The following MBNL2 variants were observed in gnomAD, a reference collection of about 807,000 sequenced individuals.
MBNL2 encodes the protein muscleblind-like protein 2.
Under a neutral mutation model 41.9 loss-of-function variants are expected in MBNL2, and 17 were observed. The observed-to-expected ratio is 0.41, with a 90% CI of 0.28 to 0.61. MBNL2 has a LOEUF of 0.61. Ranked by LOEUF, MBNL2 falls within the 20% of genes least tolerant of loss-of-function variation. The pLI is 0.35. For missense variants in MBNL2, 336 were observed against 505.6 expected (o/e 0.66, Z 3.22); for synonymous variants, 195 against 182.9 (o/e 1.07, Z -0.53).
chr13:97,187,822 G>A, the MBNL2 span, among the ~76,000 whole-genome samples: 11 of 151,498 alleles, frequency 7.3e-5, no homozygotes, highest in Non-Finnish European at 1.0e-4. Context: ...CAGGAGAATG[G>A]CGTGAACCCC....
chr13:97,301,101 T>TG (rs2057574277), intron 2 of MBNL2, among the ~76,000 whole-genome samples: 1 of 152,202 alleles, frequency 6.6e-6, no homozygotes, highest in Non-Finnish European at 1.5e-5. Flanking sequence ...AGATGATAAC[T>TG]GGAGATTCCT....
intron 1 of MBNL2, among the ~76,000 whole-genome samples, chr13:97,235,610 T>A (rs1021985602): frequency 6.6e-6 from 1 of 152,208 alleles, no homozygotes; most frequent in Non-Finnish European, 1.5e-5. Context: ...TCCTTCCAGT[T>A]TGATAAATTA....
rs2063683502 is a variant in MBNL2, at chr13:97,364,396, C to T, written c.1013-740C>T. 1.3e-5 allele frequency among the ~76,000 whole-genome samples: 2 copies of T among 152,126 alleles called. 1 individual carries two copies. Among genetic ancestry groups the T allele is most frequent in the South Asian group, 4.1e-4 (2 of 4,822 alleles). On this transcript the variant is annotated intron_variant, in intron 7 of 8. Transcript: ENST00000679496. ...GCTCTACAGTGTTTAAGCTTTATTG[C>T]CAGGCACTACTCCTTTATCATAATG...
intron 2 of MBNL2, among the ~76,000 whole-genome samples, chr13:97,286,887 T>G (rs929196299): frequency 6.6e-6 from 1 of 152,194 alleles, no homozygotes; most frequent in African/African-American, 2.4e-5. Context: ...CTCTCCACTT[T>G]CTGTTTCCTC....
At chr13:97,243,511 A>C (rs1266223513) in intron 1 of MBNL2, among the ~76,000 whole-genome samples, 1 of 152,136 alleles carries the variant, frequency 6.6e-6, no homozygotes, top group Non-Finnish European at 1.5e-5. Flanking sequence ...AGGGCTGGTC[A>C]TGATTTTCCA....
chr13:97,281,378 CTG>C (rs763619753), intron 2 of MBNL2, among the ~76,000 whole-genome samples: 157 of 152,214 alleles, frequency 1.0e-3, no homozygotes, highest in Non-Finnish European at 1.6e-3. Flanking sequence ...TTTCAAGACT[CTG>C]GAAGTATAAT....
At chr13:97,187,705 A>G in the MBNL2 span, among the ~76,000 whole-genome samples, 1 of 151,438 alleles carries the variant, frequency 6.6e-6, no homozygotes, top group Non-Finnish European at 1.5e-5. Context: ...CAGGAGATCG[A>G]GACCATCCTG....
intron 2 of MBNL2, among the ~76,000 whole-genome samples, chr13:97,283,799 T>C (rs1425014740): frequency 1.3e-5 from 2 of 152,148 alleles, no homozygotes; most frequent in East Asian, 3.9e-4. Flanking sequence ...ACCCAAGATA[T>C]TCTGTGCTAA....
chr13:97,322,426 T>C (rs1566416038), intron 2 of MBNL2, among the ~76,000 whole-genome samples: 1 of 152,180 alleles, frequency 6.6e-6, no homozygotes, highest in African/African-American at 2.4e-5. Context: ...AAAAGCAATA[T>C]GCATTCAGCA....
chr13:97,212,806 T>C, the MBNL2 span, among the ~76,000 whole-genome samples: 2 of 152,232 alleles, frequency 1.3e-5, no homozygotes, highest in African/African-American at 4.8e-5. Flanking sequence ...GAAGTGCTTG[T>C]CATGAGTAGC....
At chr13:97,171,229 A>G in the MBNL2 span, among the ~76,000 whole-genome samples, 1 of 152,196 alleles carries the variant, frequency 6.6e-6, no homozygotes, top group Non-Finnish European at 1.5e-5. Context: ...TGGAGCTTAT[A>G]CGTTATCTCA....
At chr13:97,253,573 C>T (rs1268758946) in intron 1 of MBNL2, among the ~76,000 whole-genome samples, 1 of 152,126 alleles carries the variant, frequency 6.6e-6, no homozygotes, top group Non-Finnish European at 1.5e-5. Flanking sequence ...AAAGCCCTCT[C>T]CAGTTTCTTG....
chr13:97,213,831 A>G, the MBNL2 span, among the ~76,000 whole-genome samples: 3 of 152,214 alleles, frequency 2.0e-5, no homozygotes, highest in Non-Finnish European at 2.9e-5. Context: ...CAGGAACGGT[A>G]TATTGTAGTA....
the MBNL2 span, among the ~76,000 whole-genome samples, chr13:97,181,727 GCTATT>G: frequency 7.2e-5 from 11 of 152,302 alleles, no homozygotes; most frequent in Admixed American, 3.9e-4. Flanking sequence ...TAAGAGGACA[GCTATT>G]CCTGGTCTTC....
chr13:97,373,490 G>T (rs563650343), intron 8 of MBNL2, among the ~76,000 whole-genome samples: 2 of 151,438 alleles, frequency 1.3e-5, no homozygotes, highest in South Asian at 2.1e-4. Context: ...TATAAAAATT[G>T]CAGCATTTGC....
the MBNL2 span, among the ~76,000 whole-genome samples, chr13:97,151,804 A>G: frequency 6.6e-6 from 1 of 152,146 alleles, no homozygotes. Context: ...AGGTTACAAG[A>G]TTTTTCCCTG....
the MBNL2 span, among the ~76,000 whole-genome samples, chr13:97,214,378 T>C: frequency 6.6e-6 from 1 of 152,254 alleles, no homozygotes; most frequent in Non-Finnish European, 1.5e-5. Flanking sequence ...TCCTGTACCA[T>C]ATTTCAGTCC....
chr13:97,215,982 G>C, the MBNL2 span, among the ~76,000 whole-genome samples: 365 of 152,282 alleles, frequency 2.4e-3, 1 homozygote, highest in African/African-American at 7.5e-3. Context: ...TATGCTAAGG[G>C]AGTCTCACAC....
intron 3 of MBNL2, among the ~76,000 whole-genome samples, chr13:97,340,197 C>T (rs1228115129): frequency 1.3e-5 from 2 of 152,200 alleles, no homozygotes; most frequent in African/African-American, 2.4e-5. Flanking sequence ...AATATTAACA[C>T]GGAGTGAGCC....
Sources: allele counts gnomAD v4.1 joint callset (sites outside exome capture counted in the v4.1 genomes callset), GRCh38; gene constraint gnomAD v4.1.1; transcripts MANE v1.5; gene names NCBI Gene and HGNC (gene_info 2026-07-23, HGNC 2026-07-21).